DOCK1: variants seen among roughly 807,000 people sequenced by gnomAD.
DOCK1 encodes the protein dedicator of cytokinesis protein 1.
Under a neutral mutation model 262.7 loss-of-function variants are expected in DOCK1, and 138 were observed. That is an observed-to-expected ratio of 0.53 (90% confidence interval 0.46 to 0.61). The LOEUF (loss-of-function observed/expected upper bound fraction) is 0.61. Ranked by LOEUF, DOCK1 falls within the 20% of genes least tolerant of loss-of-function variation. The pLI, the probability that DOCK1 is intolerant of heterozygous loss-of-function variation, is 0.00. For missense variants in DOCK1, 1,908 were observed against 2,370.7 expected, an observed-to-expected ratio of 0.80 and a Z score of 4.05; for synonymous variants, 866 against 867.4, an observed-to-expected ratio of 1.00 and a Z score of 0.03.
chr10:127,123,965 T>G (rs1451033805), intron 25 of DOCK1, among the ~76,000 whole-genome samples: 1 of 152,240 alleles, frequency 6.6e-6, no homozygotes, highest in Non-Finnish European at 1.5e-5. Context: ...TGGACAAAAC[T>G]TCTTGTAAAA....
At chr10:127,082,352 T>C (rs963224323) in intron 23 of DOCK1, among the ~76,000 whole-genome samples, 3 of 152,088 alleles carry the variant, frequency 2.0e-5, no homozygotes, top group African/African-American at 7.2e-5. Flanking sequence ...GACTGGGTCA[T>C]GTATAAAGAA....
At chr10:126,954,978 C>A (rs1472660935) in intron 1 of DOCK1, among the ~76,000 whole-genome samples, 1 of 152,218 alleles carries the variant, frequency 6.6e-6, no homozygotes, top group Non-Finnish European at 1.5e-5. Context: ...TTTTGAGGAA[C>A]TGCCAAACGG....
chr10:126,947,383 G>GTGGT (rs2035538372), intron 1 of DOCK1, among the ~76,000 whole-genome samples: 1 of 142,914 alleles, frequency 7.0e-6, no homozygotes, highest in African/African-American at 2.6e-5. Context: ...GGTGGTGATG[G>GTGGT]TGGTAGTTGG....
intron 29 of DOCK1, among the ~76,000 whole-genome samples, chr10:127,337,419 C>G (rs1327161548): frequency 6.6e-6 from 1 of 152,178 alleles, no homozygotes; most frequent in Admixed American, 6.5e-5. Context: ...CTGAATTTTG[C>G]AACTTTTGTC....
rs1394736395 is a variant in DOCK1, at chr10:127,141,490, A to G, written c.2847+13726A>G. 3.9e-5 allele frequency among the ~76,000 whole-genome samples: 6 copies of G among 152,190 alleles called. No individual in the cohort carries two copies. In the East Asian group the frequency reaches 1.2e-3, roughly 29 times the overall value. ...GGCCGAGGTGGGCGGATCACTTGAG[A>G]TCAGGAGTTCAAGACCAGTCTGGCC... is the stretch of plus-strand genomic sequence containing the variant. On this transcript the variant is annotated intron_variant, in intron 27 of 51. Coordinates refer to ENST00000623213, the MANE Select transcript of DOCK1 (RefSeq NM_001290223.2).
intron 19 of DOCK1, among the ~76,000 whole-genome samples, chr10:127,038,943 G>T (rs2043838733): frequency 6.6e-6 from 1 of 152,160 alleles, no homozygotes; most frequent in African/African-American, 2.4e-5. Flanking sequence ...GGGGTCACTG[G>T]CATGTGGCGT....
chr10:126,970,566 T>C, intron 1 of DOCK1, 136 bp from the exon 2 acceptor site: 1 of 645,236 alleles, frequency 1.5e-6, no homozygotes, highest in South Asian at 2.0e-5. Flanking sequence ...TCTGTGGGTA[T>C]CAGAGAGGAT....
In DOCK1 at chr10:127,410,844, T is replaced by C; in HGVS notation, c.4348T>C (p.Tyr1450His). Residue 1450 changes from tyrosine to histidine, a missense_variant, in exon 43 of 52, where the codon TAC (tyrosine) becomes CAC (histidine). Physicochemically the swap from Tyr to His is moderately conservative, Grantham distance 83 (BLOSUM62 2). Around this residue, in one of 9 missense-constraint regions of DOCK1, gnomAD observed 267 missense variants for 366.3 expected, o/e 0.73. Coordinates refer to ENST00000623213, the MANE Select transcript of DOCK1 (RefSeq NM_001290223.2). ...GATCTGTCTGTCTCTGTACAGTTTT[T>C]ACAGGGTGAACGAGGTCCAGCGATT... The part of the protein sequence containing the change: ...RPVSEQIVSF[Y>H]RVNEVQRFEY... The C allele has an allele frequency of 6.2e-7, 1 of 1,613,830 alleles. No homozygotes were observed.
intron 21 of DOCK1, among the ~76,000 whole-genome samples, chr10:127,048,965 CT>C (rs2044525738): frequency 6.6e-6 from 1 of 152,140 alleles, no homozygotes; most frequent in South Asian, 2.1e-4. Context: ...GTGGCTGTCT[CT>C]TCTTACTATA....
intron 29 of DOCK1, among the ~76,000 whole-genome samples, chr10:127,337,032 A>C (rs2063232433): frequency 1.3e-5 from 2 of 151,770 alleles, no homozygotes; most frequent in Non-Finnish European, 2.9e-5. Flanking sequence ...GTGTCTTCTT[A>C]AAGCTCATAA....
At chr10:126,928,142 A>G (rs1210014770) in intron 1 of DOCK1, among the ~76,000 whole-genome samples, 1 of 152,194 alleles carries the variant, frequency 6.6e-6, no homozygotes, top group Non-Finnish European at 1.5e-5. Context: ...ACATGCACAG[A>G]GTGAAGGCGT....
intron 31 of DOCK1, among the ~76,000 whole-genome samples, chr10:127,350,256 C>CG (rs1477706009): frequency 9.0e-6 from 1 of 110,576 alleles, no homozygotes; most frequent in African/African-American, 3.5e-5. Context: ...GTGGCGGCAG[C>CG]GGGGACGCTT....
chr10:126,956,108 G>T (rs1444649064), intron 1 of DOCK1, among the ~76,000 whole-genome samples: 1 of 152,168 alleles, frequency 6.6e-6, no homozygotes, highest in Non-Finnish European at 1.5e-5. Context: ...CTCTGCAGCC[G>T]GCGCATCTGG....
chr10:127,317,285 C>G, intron 29 of DOCK1, among the ~76,000 whole-genome samples: 1 of 152,304 alleles, frequency 6.6e-6, no homozygotes, highest in African/African-American at 2.4e-5. Context: ...TGAGTTTGGA[C>G]TAGGAGAGTG....
At chr10:127,057,964 C>T (rs1007682521) in intron 22 of DOCK1, among the ~76,000 whole-genome samples, 6 of 152,066 alleles carry the variant, frequency 3.9e-5, no homozygotes, top group South Asian at 2.1e-4. Context: ...GTTTATTTAT[C>T]GATAAGTTTC....
intron 1 of DOCK1, among the ~76,000 whole-genome samples, chr10:126,956,789 G>A (rs941181820): frequency 9.9e-5 from 15 of 152,200 alleles, no homozygotes; most frequent in Non-Finnish European, 1.5e-4. Flanking sequence ...GTTTGGGACC[G>A]AGTCCATGTC....
chr10:127,030,349 C>T (rs2043153737), intron 16 of DOCK1, among the ~76,000 whole-genome samples: 3 of 152,182 alleles, frequency 2.0e-5, no homozygotes, highest in Non-Finnish European at 4.4e-5. Flanking sequence ...TCTGTCCTGG[C>T]TTATCAGTCC....
At chr10:126,938,203 C>T (rs1002879078) in intron 1 of DOCK1, among the ~76,000 whole-genome samples, 9 of 152,104 alleles carry the variant, frequency 5.9e-5, no homozygotes, top group South Asian at 2.1e-4. Context: ...TGCACCACCA[C>T]GCCTGGCTAA....
At chr10:127,000,476 C>T in intron 10 of DOCK1, 169 bp downstream of exon 10, 1 of 1,026,876 alleles carries the variant, frequency 9.7e-7, no homozygotes, top group Non-Finnish European at 1.4e-6. Context: ...TCAAGTTGAC[C>T]TGCTAGGCTC....
Sources: allele counts gnomAD v4.1 joint callset (sites outside exome capture counted in the v4.1 genomes callset), GRCh38; gene constraint gnomAD v4.1.1; regional missense constraint gnomAD v4.1.1; transcripts MANE v1.5; gene names NCBI Gene and HGNC (gene_info 2026-07-23, HGNC 2026-07-21).